RSBN1L: variants seen among roughly 807,000 people sequenced by gnomAD.
RSBN1L encodes lysine-specific demethylase RSBN1L.
Under a neutral mutation model 67.7 loss-of-function variants are expected in RSBN1L, and 30 were observed. The ratio of observed to expected loss-of-function variants is 0.44; its 90% CI spans 0.33 to 0.60. RSBN1L has a LOEUF of 0.60. Ranked by LOEUF, RSBN1L falls within the 20% of genes least tolerant of loss-of-function variation. The probability of loss-of-function intolerance (pLI) is 0.02; values close to 1 mark genes in which losing one functional copy is unlikely to be tolerated. For missense variants in RSBN1L, 992 were observed against 1,031.7 expected (o/e 0.96, Z 0.53); for synonymous variants, 433 against 387.0 (o/e 1.12, Z -1.39).
At chr7:77,709,051 G>T (rs1368952943) in intron 1 of RSBN1L, among the ~76,000 whole-genome samples, 11 of 152,058 alleles carry the variant, frequency 7.2e-5, no homozygotes, top group Non-Finnish European at 8.8e-5. Flanking sequence ...AATGTAGGCA[G>T]GTACCTTATA....
intron 1 of RSBN1L, among the ~76,000 whole-genome samples, chr7:77,704,234 G>A (rs990725826): frequency 1.3e-5 from 2 of 152,166 alleles, no homozygotes; most frequent in Non-Finnish European, 1.5e-5. Flanking sequence ...CTTTTTGAAA[G>A]AAGTTTGTAT....
chr7:77,748,925 CTCTCTCTCTCTCTG>C (rs1791518922), intron 2 of RSBN1L, among the ~76,000 whole-genome samples: 1 of 149,938 alleles, frequency 6.7e-6, no homozygotes, highest in East Asian at 1.9e-4. Flanking sequence ...CTCTCTCTTT[CTCTCTCTCTCTCTG>C]TCTCTCTCTC....
intron 1 of RSBN1L, among the ~76,000 whole-genome samples, chr7:77,718,518 T>C (rs1429202960): frequency 6.6e-6 from 1 of 152,160 alleles, no homozygotes; most frequent in Non-Finnish European, 1.5e-5. Context: ...CTCAAACTCC[T>C]GGGTTCAAGC....
chr7:77,710,657 G>A (rs1473066596), intron 1 of RSBN1L, among the ~76,000 whole-genome samples: 1 of 151,790 alleles, frequency 6.6e-6, no homozygotes, highest in Non-Finnish European at 1.5e-5. Context: ...GTGTAGTGGC[G>A]CGATCTTGGC....
At chr7:77,700,485 T>C (rs576775054) in intron 1 of RSBN1L, among the ~76,000 whole-genome samples, 1 of 152,372 alleles carries the variant, frequency 6.6e-6, no homozygotes, top group South Asian at 2.1e-4. Flanking sequence ...GATTTAACTC[T>C]AATGAAAATA....
intron 2 of RSBN1L, among the ~76,000 whole-genome samples, chr7:77,741,144 G>A (rs917065409): frequency 6.6e-5 from 10 of 151,444 alleles, no homozygotes; most frequent in African/African-American, 2.4e-4. Context: ...GCGCCACCAC[G>A]CCTGGCTAAT....
chr7:77,776,216 G>GT (rs2150435106), intron 6 of RSBN1L, among the ~76,000 whole-genome samples: 1 of 148,366 alleles, frequency 6.7e-6, no homozygotes, highest in Non-Finnish European at 1.5e-5. Context: ...GGATTTGCCT[G>GT]TTTTTCCTGT....
At position 77,768,819 on chromosome 7, in the gene RSBN1L, A is replaced by G. The variant is rs2150432813; in HGVS notation, c.1625+16A>G. The G allele has an allele frequency of 2.5e-6, 4 of 1,611,632 alleles. No homozygotes were observed. Among genetic ancestry groups the G allele is most frequent in the African/African-American group, 1.3e-5 (1 of 74,998 alleles). On this transcript the variant is annotated intron_variant, in intron 5 of 7. Transcript: ENST00000334955. ...AAAGGAAAAGGTATGTTGTATACAC[A>G]TTTTTATTGGAGGGGATGAGTGTTT...
At chr7:77,725,987 G>C (rs972883761) in intron 1 of RSBN1L, among the ~76,000 whole-genome samples, 1 of 151,776 alleles carries the variant, frequency 6.6e-6, no homozygotes, top group Admixed American at 6.6e-5. Flanking sequence ...TAGCGCTTCT[G>C]TTATATATTG....
At chr7:77,741,030 A>T (rs1791403232) in intron 2 of RSBN1L, among the ~76,000 whole-genome samples, 2 of 132,506 alleles carry the variant, frequency 1.5e-5, no homozygotes, top group Non-Finnish European at 3.1e-5. Context: ...TGTGATACCC[A>T]GTCTGGAGTG....
At chr7:77,704,977 CAAA>C (rs976018709) in intron 1 of RSBN1L, among the ~76,000 whole-genome samples, 3 of 115,958 alleles carry the variant, frequency 2.6e-5, no homozygotes, top group South Asian at 2.8e-4. Context: ...GAAACTGTCT[CAAA>C]AAAAAAAAAG....
intron 1 of RSBN1L, among the ~76,000 whole-genome samples, chr7:77,727,089 C>CT (rs35249892): frequency 0.21 from 25,070 of 116,868 alleles, 2,776 homozygotes; most frequent in African/African-American, 0.31. Context: ...CCATCATCTG[C>CT]TTTTTTTTTT....
chr7:77,726,702 C>T (rs994148738), intron 1 of RSBN1L, among the ~76,000 whole-genome samples: 2 of 149,994 alleles, frequency 1.3e-5, no homozygotes, highest in East Asian at 3.9e-4. Context: ...TTCTGCCTCT[C>T]GGGTTCAAGC....
In RSBN1L at chr7:77,738,867, A is replaced by G. The variant is rs185983062; in HGVS notation, c.703+2341A>G. Among the ~76,000 whole-genome samples, 672 of 152,246 alleles carry G rather than the reference A, an allele frequency of 4.4e-3. 2 individuals carry two copies. The highest frequency in any genetic ancestry group is 0.016 in the African/African-American group (647 of 41,544). On this transcript the variant is annotated intron_variant, in intron 2 of 7. Transcript: ENST00000334955. ...GGCATGTGAATCGCTTGAACCCAGGAGGCGGAGGTTGCGGTGAGCCAAGAT... is the reference window on the plus strand; with the variant it reads ...GGCATGTGAATCGCTTGAACCCAGGGGGCGGAGGTTGCGGTGAGCCAAGAT...
chr7:77,743,514 C>T (rs1041365656), intron 2 of RSBN1L, among the ~76,000 whole-genome samples: 37 of 138,286 alleles, frequency 2.7e-4, no homozygotes, highest in African/African-American at 1.0e-3. Flanking sequence ...TATTGGTTTG[C>T]ATTTTTCAGT....
At chr7:77,771,099 AC>A (rs1357281355) in intron 5 of RSBN1L, among the ~76,000 whole-genome samples, 5 of 151,608 alleles carry the variant, frequency 3.3e-5, no homozygotes, top group African/African-American at 1.2e-4. Context: ...ACGCCACCAC[AC>A]CCGGCTAATT....
rs77101455 is a variant in RSBN1L at position 77,758,494 on chromosome 7, A to G, written c.1345-7001A>G. The stretch of plus-strand genomic sequence containing the variant: ...GCATTTATCCTTTGAGTTACAAACA[A>G]TCCAGTTAACAACACTCTTTTAGTT... On this transcript the variant is annotated intron_variant, in intron 3 of 7. Transcript: ENST00000334955. 8.8e-3 allele frequency among the ~76,000 whole-genome samples: 1,334 copies of G among 152,326 alleles called. 15 individuals carry two copies. Among genetic ancestry groups the G allele is most frequent in the African/African-American group, 0.028 (1,165 of 41,570 alleles).
chr7:77,775,788 G>T (rs1791905522), intron 6 of RSBN1L, among the ~76,000 whole-genome samples: 1 of 152,136 alleles, frequency 6.6e-6, no homozygotes, highest in South Asian at 2.1e-4. Flanking sequence ...AGGCGCGGTG[G>T]CTCACAACTG....
chr7:77,725,244 C>CTTTTTTTTTTTTTTGT (rs1791183236), intron 1 of RSBN1L, among the ~76,000 whole-genome samples: 1 of 73,660 alleles, frequency 1.4e-5, no homozygotes, highest in African/African-American at 6.7e-5. Flanking sequence ...AAGCCCCCCA[C>CTTTTTTTTTTTTTTGT]TTTTTTTTTT....
Sources: allele counts gnomAD v4.1 joint callset (sites outside exome capture counted in the v4.1 genomes callset), GRCh38; gene constraint gnomAD v4.1.1; transcripts MANE v1.5; gene names NCBI Gene and HGNC (gene_info 2026-07-23, HGNC 2026-07-21).